Variants in GRIA4 observed in about 807,000 individuals in gnomAD.
GRIA4 encodes the protein glutamate receptor 4.
GRIA4 carries 34 observed loss-of-function variants against 104.0 expected under a neutral mutation model. The observed-to-expected ratio is 0.33, with a 90% confidence interval of 0.25 to 0.44. The LOEUF (loss-of-function observed/expected upper bound fraction) is 0.44. Ranked by LOEUF, GRIA4 falls within the 20% of genes least tolerant of loss-of-function variation. The probability of loss-of-function intolerance (pLI) is 1.00; values close to 1 mark genes in which losing one functional copy is unlikely to be tolerated. For synonymous variants in GRIA4, 386 were observed against 381.9 expected, an observed-to-expected ratio of 1.01 and a Z score of -0.13; for missense variants, 750 against 1,096.5, an observed-to-expected ratio of 0.68 and a Z score of 4.46.
intron 4 of GRIA4, among the ~76,000 whole-genome samples, chr11:105,856,672 G>C (rs1052138678): frequency 1.3e-5 from 2 of 152,084 alleles, no homozygotes; most frequent in Admixed American, 1.3e-4. Flanking sequence ...AGTAGTAGTA[G>C]AGAACCACCA....
At chr11:105,828,335 G>A (rs569291050) in intron 4 of GRIA4, among the ~76,000 whole-genome samples, 2 of 152,056 alleles carry the variant, frequency 1.3e-5, no homozygotes, top group East Asian at 3.9e-4. Context: ...GACATTTAAA[G>A]GTGAACAAAT....
intron 15 of GRIA4, among the ~76,000 whole-genome samples, chr11:105,972,738 T>C (rs1162105974): frequency 2.0e-5 from 3 of 152,184 alleles, no homozygotes; most frequent in African/African-American, 4.8e-5. Flanking sequence ...GAAATAGTTA[T>C]GTTTTTATTT....
At chr11:105,842,975 T>C (rs1417758594) in intron 4 of GRIA4, 1 of 152,348 alleles carries the variant, frequency 6.6e-6, no homozygotes, top group Non-Finnish European at 1.5e-5. Context: ...GCTCTTTTTT[T>C]CCTTTGCTCT....
Position 105,901,142 on chromosome 11 carries a change from A to C in GRIA4, c.886-2672A>C, listed in dbSNP as rs116174126. Among the ~76,000 whole-genome samples, 1,260 of 152,140 alleles carry C rather than the reference A, an allele frequency of 8.3e-3. 18 individuals are homozygous for C. The highest frequency in any genetic ancestry group is 0.028 in the African/African-American group (1,173 of 41,504). ...TGTAGTCTTCATGATTCCTAGCTAG[A>C]GTCTGGTACATTTTTCAAAGAGCTC... On this transcript the variant is annotated intron_variant, in intron 7 of 16. Coordinates refer to ENST00000282499, the MANE Select transcript of GRIA4 (RefSeq NM_000829.4).
intron 14 of GRIA4, among the ~76,000 whole-genome samples, chr11:105,960,632 C>G (rs569932059): frequency 2.0e-5 from 3 of 152,180 alleles, no homozygotes; most frequent in African/African-American, 7.2e-5. Context: ...GCTTCGACAG[C>G]AGGCAGCAGC....
intron 6 of GRIA4, among the ~76,000 whole-genome samples, chr11:105,893,356 C>T (rs1234065809): frequency 6.6e-6 from 1 of 152,106 alleles, no homozygotes; most frequent in Non-Finnish European, 1.5e-5. Context: ...AACTGCTTCA[C>T]TGTCTAGATC....
At chr11:105,654,144 A>T (rs1196536548) in intron 3 of GRIA4, among the ~76,000 whole-genome samples, 1 of 151,986 alleles carries the variant, frequency 6.6e-6, no homozygotes, top group Non-Finnish European at 1.5e-5. Context: ...AGAAAGTTGA[A>T]TTCATAGAAG....
At chr11:105,645,582 C>T (rs762176991) in intron 3 of GRIA4, among the ~76,000 whole-genome samples, 1 of 152,070 alleles carries the variant, frequency 6.6e-6, no homozygotes, top group Non-Finnish European at 1.5e-5. Flanking sequence ...ATTATAAAAA[C>T]AACAAAAGCA....
Position 105,926,914 on chromosome 11 carries a change from C to T in GRIA4, c.2021C>T (p.Ser674Leu). 1 of 1,609,808 alleles carries T rather than the reference C, an allele frequency of 6.2e-7. No homozygotes were observed. Among genetic ancestry groups the T allele is most frequent in the Non-Finnish European group, 8.5e-7 (1 of 1,176,606 alleles). Residue 674 changes from serine to leucine, a missense_variant, in exon 13 of 17, where the codon TCA (serine) becomes TTA (leucine). Ser to Leu is a moderately radical substitution (Grantham distance 145, BLOSUM62 -2). Around this residue, in one of 3 missense-constraint regions of GRIA4, gnomAD observed 272 missense variants for 524.5 expected, o/e 0.52. Transcript: ENST00000282499. ...QTEIAYGTLD[S>L]GSTKEFFRRS... Reference sequence around the variant, plus strand: ...GAAATTGCCTATGGAACACTGGATTCAGGATCAACAAAAGAATTCTTCAGA... The same window carrying T: ...GAAATTGCCTATGGAACACTGGATTTAGGATCAACAAAAGAATTCTTCAGA...
chr11:105,899,868 C>T (rs560528322), intron 7 of GRIA4, among the ~76,000 whole-genome samples: 21 of 152,254 alleles, frequency 1.4e-4, no homozygotes, highest in Admixed American at 3.3e-4. Context: ...TTAACATGCG[C>T]ATTTTCTCCA....
intron 3 of GRIA4, among the ~76,000 whole-genome samples, chr11:105,750,523 G>T (rs944110625): frequency 2.0e-5 from 3 of 152,022 alleles, no homozygotes; most frequent in Admixed American, 6.6e-5. Context: ...AATGTATGAT[G>T]ATGCAAATGA....
chr11:105,751,224 T>C (rs554951239), intron 3 of GRIA4, among the ~76,000 whole-genome samples: 7 of 152,164 alleles, frequency 4.6e-5, no homozygotes, highest in African/African-American at 1.7e-4. Flanking sequence ...AGCTTGAGAG[T>C]TGGCCCTCAG....
intron 7 of GRIA4, among the ~76,000 whole-genome samples, chr11:105,901,415 A>C (rs1175399841): frequency 2.0e-5 from 3 of 152,164 alleles, no homozygotes; most frequent in Admixed American, 6.5e-5. Flanking sequence ...AATAGAAATC[A>C]TTTCATCATT....
chr11:105,924,590 T>A lies in GRIA4; in HGVS notation c.1668T>A (p.Ile556=). 2 of 1,612,806 alleles carry A rather than the reference T, an allele frequency of 1.2e-6. No individual in the cohort carries two copies. Among genetic ancestry groups the A allele is most frequent in the Non-Finnish European group, 1.7e-6 (2 of 1,179,034 alleles). The change falls in exon 12 of 17, where the codon ATT becomes ATA. Residue 556 remains isoleucine (I), a synonymous_variant. Transcript: ENST00000282499. Reference sequence around the variant, plus strand: ...GGATGTGCATAGTCTTTGCCTACATTGGTGTCAGCGTGGTCTTATTCCTAG... The same window carrying A: ...GGATGTGCATAGTCTTTGCCTACATAGGTGTCAGCGTGGTCTTATTCCTAG... ...EIWMCIVFAY[I]GVSVVLFLVS...
At chr11:105,935,077 A>C (rs117114493) in intron 14 of GRIA4, among the ~76,000 whole-genome samples, 2,517 of 152,298 alleles carry the variant, frequency 0.017, 30 homozygotes, top group Middle Eastern at 0.031. Flanking sequence ...CATTGGTTTC[A>C]AAAGGGTAAC....
At chr11:105,818,265 A>G (rs1943453125) in intron 4 of GRIA4, among the ~76,000 whole-genome samples, 1 of 152,028 alleles carries the variant, frequency 6.6e-6, no homozygotes, top group African/African-American at 2.4e-5. Flanking sequence ...TGCCTGTGCC[A>G]CCCTCATATG....
At chr11:105,646,419 T>C (rs1000164398) in intron 3 of GRIA4, among the ~76,000 whole-genome samples, 2 of 152,088 alleles carry the variant, frequency 1.3e-5, no homozygotes, top group Non-Finnish European at 2.9e-5. Context: ...ATAGTGAGAC[T>C]CTGTCTCTAC....
chr11:105,953,206 A>G (rs1047097812), intron 14 of GRIA4, among the ~76,000 whole-genome samples: 2 of 152,250 alleles, frequency 1.3e-5, no homozygotes, highest in Non-Finnish European at 2.9e-5. Flanking sequence ...CCTTAAAATT[A>G]GACATATTTA....
intron 3 of GRIA4, among the ~76,000 whole-genome samples, chr11:105,711,424 A>G (rs889821868): frequency 6.6e-6 from 1 of 152,082 alleles, no homozygotes; most frequent in Non-Finnish European, 1.5e-5. Context: ...TTAAAGTATT[A>G]TAATAATAAA....
Sources: allele counts gnomAD v4.1 joint callset (sites outside exome capture counted in the v4.1 genomes callset), GRCh38; gene constraint gnomAD v4.1.1; regional missense constraint gnomAD v4.1.1; transcripts MANE v1.5; gene names NCBI Gene and HGNC (gene_info 2026-07-23, HGNC 2026-07-21).